SMARCC1: variants seen among roughly 807,000 people sequenced by gnomAD.
The protein encoded by SMARCC1 is SWI/SNF complex subunit SMARCC1.
SMARCC1 carries 43 observed loss-of-function variants against 147.4 expected under a neutral mutation model. That is an observed-to-expected ratio of 0.29 (90% CI 0.23 to 0.38). The LOEUF (loss-of-function observed/expected upper bound fraction) is 0.38. SMARCC1 is among the 10% of genes least tolerant of loss of function. The pLI is 1.00. For missense variants in SMARCC1, 1,119 were observed against 1,381.1 expected, an observed-to-expected ratio of 0.81 and a Z score of 3.01; for synonymous variants, 495 against 484.4, an observed-to-expected ratio of 1.02 and a Z score of -0.29.
chr3:47,767,110 G>A (rs1383483737), intron 2 of SMARCC1, among the ~76,000 whole-genome samples: 3 of 141,906 alleles, frequency 2.1e-5, no homozygotes, highest in Non-Finnish European at 4.6e-5. Context: ...CTGAACCCAG[G>A]AGGCGGAAGT....
At position 47,772,878 on chromosome 3, in the gene SMARCC1, A is replaced by T; in HGVS notation, c.254T>A (p.Leu85His). 6.2e-7 allele frequency: 1 copy of T among 1,613,662 alleles called. No individual in the cohort carries two copies. The change falls in exon 2 of 28, where the codon CTT becomes CAT. Residue 85 changes from leucine (L) to histidine (H), a missense_variant. Around this residue, in one of 6 missense-constraint regions of SMARCC1, gnomAD observed 542 missense variants for 611.8 expected, o/e 0.89. Transcript: ENST00000254480. ...KTLAGLVVQL[L>H]QFQEDAFGKH... ...CCCAAAGGCATCTTCCTGGAACTGA[A>T]GAAGCTGCACCACCAGCCCAGCCAG...
chr3:47,752,522 G>A (rs992570254), intron 2 of SMARCC1, among the ~76,000 whole-genome samples: 24 of 152,064 alleles, frequency 1.6e-4, no homozygotes, highest in African/African-American at 5.8e-4. Context: ...GCAGTGGCTC[G>A]CACCTGTAAT....
At chr3:47,658,144 A>G (rs2033287673) in intron 21 of SMARCC1, among the ~76,000 whole-genome samples, 1 of 152,168 alleles carries the variant, frequency 6.6e-6, no homozygotes, top group Non-Finnish European at 1.5e-5. Context: ...AAAACAAGAA[A>G]AGCAAGTGGA....
intron 15 of SMARCC1, among the ~76,000 whole-genome samples, chr3:47,678,554 CAT>C (rs982671434): frequency 2.2e-4 from 33 of 152,254 alleles, no homozygotes; most frequent in African/African-American, 7.5e-4. Flanking sequence ...TGTGAAGTAA[CAT>C]AAATTCAAAC....
At chr3:47,682,168 GC>G (rs1425609917) in intron 14 of SMARCC1, among the ~76,000 whole-genome samples, 1 of 151,594 alleles carries the variant, frequency 6.6e-6, no homozygotes, top group Non-Finnish European at 1.5e-5. Context: ...GGTGTTGGGT[GC>G]CTGTAGTCCC....
intron 1 of SMARCC1, among the ~76,000 whole-genome samples, chr3:47,779,724 C>A (rs1229055397): frequency 6.6e-6 from 1 of 152,202 alleles, no homozygotes; most frequent in Non-Finnish European, 1.5e-5. Context: ...CTGATGCACA[C>A]TGAACAGTGC....
intron 26 of SMARCC1, among the ~76,000 whole-genome samples, chr3:47,608,652 C>T (rs1275963234): frequency 6.6e-6 from 1 of 151,830 alleles, no homozygotes; most frequent in Non-Finnish European, 1.5e-5. Context: ...TCAAGATCAG[C>T]CTGGGCTACA....
rs554654245 is a variant in SMARCC1 at position 47,714,563 on chromosome 3, T to G, written c.717-73A>C. 1.1e-4 allele frequency: 85 copies of G among 779,644 alleles called. 1 individual carries two copies. Among genetic ancestry groups the G allele is most frequent in the Admixed American group, 2.5e-4 (10 of 40,416 alleles). The allele number at this position is 779,644 out of a possible 1,614,324, so 48.3% of individuals were successfully genotyped here. On this transcript the variant is annotated intron_variant, in intron 7 of 27. Transcript: ENST00000254480. ...TCATTAGAAAGACTTTTACAAATAA[T>G]AAGAACATGTTTTAGAAATACTACT... is the stretch of plus-strand genomic sequence containing the variant.
In SMARCC1 at chr3:47,738,122, G is replaced by GA; in HGVS notation, c.402-13dup. ...GGTCAAACCTCCGCCTAAAAAAAAAGAAAAACCCTAGTTAATTTGTCTCCC... is the reference window on the plus strand; with the variant it reads ...GGTCAAACCTCCGCCTAAAAAAAAAGAAAAAACCCTAGTTAATTTGTCTCCC... On this transcript the variant is annotated splice_polypyrimidine_tract_variant and intron_variant, in intron 3 of 27. Transcript: ENST00000254480. 4 of 1,529,286 alleles carry GA rather than the reference G, an allele frequency of 2.6e-6. No homozygotes were observed. Among genetic ancestry groups the GA allele is most frequent in the Non-Finnish European group, 3.5e-6 (4 of 1,135,684 alleles). 94.7% of individuals were successfully genotyped at this position (1,529,286 alleles called of 1,614,324 possible).
chr3:47,763,018 A>T (rs1392529383), intron 2 of SMARCC1, among the ~76,000 whole-genome samples: 2 of 151,680 alleles, frequency 1.3e-5, no homozygotes, highest in East Asian at 1.9e-4. Context: ...GTGAGCCGAG[A>T]TCACGCCACT....
Position 47,662,339 on chromosome 3 carries a change from G to C in SMARCC1, c.2153C>G (p.Ala718Gly). The change falls in exon 20 of 28, where the codon GCT becomes GGT. Residue 718 changes from alanine to glycine, a missense_variant. This residue lies in a region of SMARCC1 where 178 missense variants were observed against 264.6 expected (regional missense o/e 0.67). Coordinates refer to ENST00000254480, the MANE Select transcript of SMARCC1 (RefSeq NM_003074.4). Reference protein sequence around the residue: ...PRVASAAAKAALEEFSRVREE... With the variant: ...PRVASAAAKAGLEEFSRVREE... ...TGGTTTAGGGAAGTCCATACCCAAA[G>C]CCGCTTTTGCTGCAGCAGATGCCAC... 1 of 1,613,940 alleles carries C rather than the reference G, an allele frequency of 6.2e-7. No homozygotes were observed. The highest frequency in any genetic ancestry group is 8.5e-7 in the Non-Finnish European group (1 of 1,179,932).
intron 11 of SMARCC1, among the ~76,000 whole-genome samples, chr3:47,700,673 C>T (rs2106786778): frequency 6.6e-6 from 1 of 152,228 alleles, no homozygotes; most frequent in Non-Finnish European, 1.5e-5. Flanking sequence ...TACAGGCACG[C>T]ACCACCATGC....
intron 26 of SMARCC1, among the ~76,000 whole-genome samples, chr3:47,593,373 T>C (rs748367427): frequency 2.0e-5 from 3 of 151,660 alleles, no homozygotes; most frequent in Non-Finnish European, 2.9e-5. Context: ...CGTTGCACCA[T>C]GTTGCCCAGG....
At chr3:47,633,918 AAG>A (rs2032934461) in intron 24 of SMARCC1, among the ~76,000 whole-genome samples, 1 of 151,844 alleles carries the variant, frequency 6.6e-6, no homozygotes. Context: ...CTCAGAGACA[AAG>A]AGATGCACAA....
intron 26 of SMARCC1, among the ~76,000 whole-genome samples, chr3:47,591,514 CCCTTTCCTTTTCCCTT>C (rs909319281): frequency 2.7e-5 from 4 of 150,224 alleles, no homozygotes; most frequent in Non-Finnish European, 4.4e-5. Context: ...ACTGTTTTCT[CCCTTTCCTTTTCCCTT>C]CCTTTCCTTT....
intron 11 of SMARCC1, among the ~76,000 whole-genome samples, chr3:47,698,958 T>C (rs1207230322): frequency 6.6e-6 from 1 of 152,158 alleles, no homozygotes; most frequent in Non-Finnish European, 1.5e-5. Flanking sequence ...CAGCAAATGG[T>C]ATACAAACAA....
chr3:47,650,477 T>C (rs375813837), intron 21 of SMARCC1, among the ~76,000 whole-genome samples: 5 of 152,004 alleles, frequency 3.3e-5, no homozygotes, highest in African/African-American at 9.6e-5. Context: ...TTCCAAGTCA[T>C]GTAAAAAAAT....
At position 47,772,900 on chromosome 3, in the gene SMARCC1, C is replaced by A; in HGVS notation, c.232G>T (p.Ala78Ser). The A allele has an allele frequency of 6.2e-7, 1 of 1,613,316 alleles. No homozygotes were observed. Among genetic ancestry groups the A allele is most frequent in the Non-Finnish European group, 8.5e-7 (1 of 1,179,582 alleles). Residue 78 changes from alanine (A) to serine (S), a missense_variant, in exon 2 of 28, where the codon GCT becomes TCT. By Grantham distance (99) the Ala-to-Ser change is moderately conservative (BLOSUM62 1). Transcript: ENST00000254480. The part of the protein sequence containing the change: ...HADAPTNKTL[A>S]GLVVQLLQFQ... ...TGAAGAAGCTGCACCACCAGCCCAGCCAGTGTTTTATTGGTAGGAGCATCC... is the reference window on the plus strand; with the variant it reads ...TGAAGAAGCTGCACCACCAGCCCAGACAGTGTTTTATTGGTAGGAGCATCC...
intron 2 of SMARCC1, among the ~76,000 whole-genome samples, chr3:47,767,460 G>A (rs1156775905): frequency 1.0e-4 from 14 of 133,884 alleles, no homozygotes; most frequent in Non-Finnish European, 3.2e-5. Flanking sequence ...GGCTGGTCTC[G>A]AACTCTCAAC....
Sources: allele counts gnomAD v4.1 joint callset (sites outside exome capture counted in the v4.1 genomes callset), GRCh38; gene constraint gnomAD v4.1.1; regional missense constraint gnomAD v4.1.1; transcripts MANE v1.5; gene names NCBI Gene and HGNC (gene_info 2026-07-23, HGNC 2026-07-21).